The following GGA3 variants were observed in gnomAD, a reference collection of about 807,000 sequenced individuals.
GGA3 encodes ADP-ribosylation factor-binding protein GGA3.
A neutral mutation model predicts 77.5 loss-of-function variants in GGA3; 57 were observed. The ratio of observed to expected loss-of-function variants is 0.74; its 90% CI spans 0.59 to 0.92. The LOEUF is 0.92. GGA3 is among the 40% of genes least tolerant of loss of function. The probability of loss-of-function intolerance (pLI) is 0.00; values close to 1 mark genes in which losing one functional copy is unlikely to be tolerated. For synonymous variants in GGA3, 416 were observed against 383.7 expected (o/e 1.08, Z -0.98); for missense variants, 970 against 914.9 (o/e 1.06, Z -0.78).
chr17:75,261,834 C>G, upstream of GGA3: 1 of 1,523,282 alleles, frequency 6.6e-7, no homozygotes, highest in East Asian at 2.3e-5. Flanking sequence ...GTCTTTTTCA[C>G]CCGTTTCCCG....
intron 1 of GGA3, among the ~76,000 whole-genome samples, chr17:75,251,834 C>A (rs534400458): frequency 2.7e-5 from 4 of 149,556 alleles, no homozygotes; most frequent in African/African-American, 9.8e-5. Flanking sequence ...TGCAGTGGTG[C>A]GATCATGGCT....
Position 75,240,096 on chromosome 17 carries a change from C to T in GGA3, c.1276G>A (p.Asp426Asn), listed in dbSNP as rs971877611. 1.3e-4 allele frequency: 168 copies of T among 1,292,950 alleles called. 1 individual carries two copies. Among genetic ancestry groups the T allele is most frequent in the African/African-American group, 1.9e-4 (12 of 63,158 alleles). The allele number at this position is 1,292,950 out of a possible 1,614,324, so 80.1% of individuals were successfully genotyped here. A position where few individuals can be genotyped will look rare whatever the true frequency, so the allele number is the denominator to read the frequency against. ...GGCCTGGGGCTGAAGAAGTCCAGGT[C>T]GGACTGTTCCCTCTATGAACAACAG... is the stretch of plus-strand genomic sequence containing the variant. Reference protein sequence around the residue: ...QWHLLQREQSDLDFFSPRPGT... With the variant: ...QWHLLQREQSNLDFFSPRPGT... Residue 426 changes from aspartate to asparagine, a missense_variant, in exon 13 of 17, where the codon GAC (aspartate) becomes AAC (asparagine). By Grantham distance (23) the Asp-to-Asn change is conservative (BLOSUM62 1). Coordinates refer to ENST00000537686, the MANE Select transcript of GGA3 (RefSeq NM_138619.4).
In GGA3 at chr17:75,256,414, C is replaced by T. The variant is rs917044067; in HGVS notation, c.40+5134G>A. Among the ~76,000 whole-genome samples the T allele has an allele frequency of 3.2e-3, 484 of 152,142 alleles. 4 individuals carry two copies. The highest frequency in any genetic ancestry group is 0.011 in the African/African-American group (458 of 41,458). On this transcript the variant is annotated intron_variant, in intron 1 of 16. Coordinates refer to ENST00000537686, the MANE Select transcript of GGA3 (RefSeq NM_138619.4). ...AATTACCACTGTTCCTGGCCCGGAC[C>T]TCAATCTGGCCTCCCACATTATTCC...
chr17:75,244,731 G>A lies in GGA3; in HGVS notation c.202-14C>T. The A allele has an allele frequency of 6.3e-7, 1 of 1,593,902 alleles. No homozygotes were observed. On this transcript the variant is annotated splice_polypyrimidine_tract_variant and intron_variant, in intron 3 of 16. Transcript: ENST00000537686. ...TGCCTCCAGCACCTGTAGCCGCACA[G>A]AGGAGAGGCGCTCAGTGAGGGCGTG...
intron 1 of GGA3, among the ~76,000 whole-genome samples, chr17:75,255,133 CTCT>C (rs1033939734): frequency 6.6e-6 from 1 of 152,168 alleles, no homozygotes; most frequent in African/African-American, 2.4e-5. Flanking sequence ...TAAGTCCGTC[CTCT>C]TCTTAATCAA....
chr17:75,239,646 C>T (rs944901142), intron 13 of GGA3, 75 bp from the exon 14 acceptor site: 18 of 1,452,104 alleles, frequency 1.2e-5, no homozygotes, highest in Middle Eastern at 1.8e-4. Context: ...AGGCCCCTGA[C>T]CATGCTCTTA....
Position 75,240,058 on chromosome 17 carries a change from G to A in GGA3, c.1314C>T (p.Ala438=), listed in dbSNP as rs1164965887. The A allele has an allele frequency of 2.6e-6, 4 of 1,552,136 alleles. No homozygotes were observed. The South Asian group carries it at 3.6e-5, about 14-fold the overall frequency. Residue 438 remains alanine, a synonymous_variant, in exon 13 of 17, where the codon GCC becomes GCT. Coordinates refer to ENST00000537686, the MANE Select transcript of GGA3 (RefSeq NM_138619.4). ...GCAGAGGAGCATCGGAGGCGCCACA[G>A]GCAGCGGTCCCCGGCCTGGGGCTGA... ...DFFSPRPGTA[A]CGASDAPLLQ...
At chr17:75,238,613 G>A in intron 16 of GGA3, 39 bp downstream of exon 16, 1 of 1,417,680 alleles carries the variant, frequency 7.1e-7, no homozygotes, top group South Asian at 1.2e-5. Flanking sequence ...GGGGCAGCTG[G>A]GGCCTCAGGC....
chr17:75,237,225 C>G lies in GGA3; in HGVS notation c.*1054G>C, dbSNP rs2076349369. 3.4e-6 allele frequency: 2 copies of G among 592,188 alleles called. No individual in the cohort carries two copies. The highest frequency in any genetic ancestry group is 2.9e-5 in the Admixed American group (1 of 34,198). 36.7% of individuals were successfully genotyped at this position (592,188 alleles called of 1,614,324 possible). A position where few individuals can be genotyped will look rare whatever the true frequency, so the allele number is the denominator to read the frequency against. ...CAAGTGTGGCCCGATCTCATCACCT[C>G]CAGACCCAACATCTCGCTGACAGTG... is the stretch of plus-strand genomic sequence containing the variant. On this transcript the variant is annotated 3_prime_UTR_variant, in exon 17 of 17. Transcript: ENST00000537686.
chr17:75,241,447 T>C lies in GGA3; in HGVS notation c.899A>G (p.Gln300Arg). The C allele has an allele frequency of 6.2e-7, 1 of 1,613,912 alleles. No individual in the cohort carries two copies. Among genetic ancestry groups the C allele is most frequent in the African/African-American group, 1.3e-5 (1 of 75,030 alleles). Reference sequence around the variant, plus strand: ...GGTAGCCACCTCGCCATTGATGACCTGCCCTTCAATAATTGTTTTGTAAGA... The same window carrying C: ...GGTAGCCACCTCGCCATTGATGACCCGCCCTTCAATAATTGTTTTGTAAGA... Reference protein sequence around the residue: ...INSYKTIIEGQVINGEVATLT... With the variant: ...INSYKTIIEGRVINGEVATLT... Residue 300 changes from glutamine to arginine, a missense_variant, in exon 10 of 17, where the codon CAG becomes CGG. By Grantham distance (43) the Gln-to-Arg change is conservative (BLOSUM62 1). Transcript: ENST00000537686.
Position 75,239,029 on chromosome 17 carries a change from T to A in GGA3, c.1835A>T (p.His612Leu). 1 of 1,613,634 alleles carries A rather than the reference T, an allele frequency of 6.2e-7. No homozygotes were observed. Among genetic ancestry groups the A allele is most frequent in the Non-Finnish European group, 8.5e-7 (1 of 1,179,894 alleles). ...YDKNGFRILF[H>L]FAKECPPGRP... Reference sequence around the variant, plus strand: ...TCCTGGGGGACACTCCTTGGCAAAGTGGAAGAGGATGCGGAAGCCGTTTTT... The same window carrying A: ...TCCTGGGGGACACTCCTTGGCAAAGAGGAAGAGGATGCGGAAGCCGTTTTT... The change falls in exon 15 of 17, where the codon CAC (histidine) becomes CTC (leucine). Residue 612 changes from histidine to leucine, a missense_variant. By Grantham distance (99) the His-to-Leu change is moderately conservative. Coordinates refer to ENST00000537686, the MANE Select transcript of GGA3 (RefSeq NM_138619.4).
At position 75,240,994 on chromosome 17, in the gene GGA3, C is replaced by G. The variant is rs768846061; in HGVS notation, c.1010G>C (p.Ser337Thr). The G allele has an allele frequency of 3.1e-6, 5 of 1,614,044 alleles. No individual in the cohort carries two copies. In the South Asian group the frequency reaches 5.5e-5, roughly 18 times the overall value. The stretch of plus-strand genomic sequence containing the variant: ...TGCTGGGGCCAACACGGAGGACAAA[C>G]TGTTGGTCGTGTCCAGCTCCGCAAG... Reference protein sequence around the residue: ...IDLAELDTTNSLSSVLAPAPT... With the variant: ...IDLAELDTTNTLSSVLAPAPT... The change falls in exon 11 of 17, where the codon AGT (serine) becomes ACT (threonine). Residue 337 changes from serine (S) to threonine (T), a missense_variant. By Grantham distance (58) the Ser-to-Thr change is moderately conservative. Coordinates refer to ENST00000537686, the MANE Select transcript of GGA3 (RefSeq NM_138619.4).
chr17:75,237,644 A>G lies in GGA3; in HGVS notation c.*635T>C. On this transcript the variant is annotated 3_prime_UTR_variant, in exon 17 of 17. Coordinates refer to ENST00000537686, the MANE Select transcript of GGA3 (RefSeq NM_138619.4). ...AGATGTCCATAGGACACAGCCTGCCACTGCCAGGGACAAGCACACAACTCA... is the reference window on the plus strand; with the variant it reads ...AGATGTCCATAGGACACAGCCTGCCGCTGCCAGGGACAAGCACACAACTCA... 6.7e-7 allele frequency: 1 copy of G among 1,503,016 alleles called. No homozygotes were observed. The allele number at this position is 1,503,016 out of a possible 1,614,324, so 93.1% of individuals were successfully genotyped here.
intron 11 of GGA3, 36 bp downstream of exon 11, chr17:75,240,776 T>A: frequency 6.3e-7 from 1 of 1,577,124 alleles, no homozygotes; most frequent in Non-Finnish European, 8.6e-7. Flanking sequence ...CAGAGCCCTG[T>A]CAGGGGATGC....
chr17:75,245,333 GAC>G (rs1210130414), intron 3 of GGA3, among the ~76,000 whole-genome samples: 2 of 152,184 alleles, frequency 1.3e-5, no homozygotes, highest in African/African-American at 4.8e-5. Flanking sequence ...AGGCCTGGCT[GAC>G]ATTTTGGGCT....
rs2077381512 is a variant in GGA3 at position 75,261,573 on chromosome 17, T to C, written c.15A>G (p.Glu5=). MAEA[E]GESLESWLNK... is the part of the protein sequence containing the mutation. ...TGAGCCAGGACTCCAGGCTTTCCCC[T>C]TCCGCCTCCGCCATATTGCAGCCGC... is the stretch of plus-strand genomic sequence containing the variant. The change falls in exon 1 of 17, where the codon GAA becomes GAG. Residue 5 remains glutamate, a synonymous_variant. Transcript: ENST00000537686. The C allele has an allele frequency of 1.3e-6, 2 of 1,556,120 alleles. No individual in the cohort carries two copies. The highest frequency in any genetic ancestry group is 1.7e-6 in the Non-Finnish European group (2 of 1,153,642).
In GGA3 at chr17:75,240,976, G is replaced by A. The variant is rs1567782223; in HGVS notation, c.1028C>T (p.Ala343Val). 6.2e-7 allele frequency: 1 copy of A among 1,614,148 alleles called. No individual in the cohort carries two copies. The highest frequency in any genetic ancestry group is 8.5e-7 in the Non-Finnish European group (1 of 1,179,990). The part of the protein sequence containing the change: ...DTTNSLSSVL[A>V]PAPTPPSSGI... ...TGAGGAGGGTGGAGTAGGTGCTGGGGCCAACACGGAGGACAAACTGTTGGT... is the reference window on the plus strand; with the variant it reads ...TGAGGAGGGTGGAGTAGGTGCTGGGACCAACACGGAGGACAAACTGTTGGT... Residue 343 changes from alanine (A) to valine (V), a missense_variant, in exon 11 of 17, where the codon GCC becomes GTC. Physicochemically the swap from Ala to Val is moderately conservative, Grantham distance 64. Coordinates refer to ENST00000537686, the MANE Select transcript of GGA3 (RefSeq NM_138619.4).
chr17:75,242,497 A>T, intron 7 of GGA3, 24 bp from the exon 8 acceptor site: 1 of 1,613,968 alleles, frequency 6.2e-7, no homozygotes, highest in Middle Eastern at 1.7e-4. Flanking sequence ...GAAGTTCAAG[A>T]GAAAGAGAGC....
upstream of GGA3, chr17:75,262,315 C>T (rs1331882893): frequency 2.7e-6 from 2 of 740,160 alleles, no homozygotes; most frequent in African/African-American, 1.8e-5. Flanking sequence ...ACTTTACCCG[C>T]CTGCTTGGGG....
Sources: gnomAD v4.1 joint callset for allele counts (sites outside exome capture counted in the v4.1 genomes callset) on GRCh38, gnomAD v4.1.1 for gene constraint, MANE v1.5 for transcripts, NCBI Gene and HGNC (gene_info 2026-07-23, HGNC 2026-07-21) for gene names.